The following ITK variants were observed in gnomAD, a reference collection of about 807,000 sequenced individuals.
The protein encoded by ITK is tyrosine-protein kinase ITK/TSK.
A neutral mutation model predicts 87.6 loss-of-function variants in ITK; 45 were observed. That is an observed-to-expected ratio of 0.51 (90% CI 0.40 to 0.66). ITK has a LOEUF of 0.66. Among genes scored for constraint, ITK ranks in the 30% least tolerant of loss-of-function variants. The pLI is 0.00. For synonymous variants in ITK, 303 were observed against 273.6 expected (o/e 1.11, Z -1.06); for missense variants, 605 against 766.3 (o/e 0.79, Z 2.48).
chr5:157,219,274 G>A (rs1269044808), intron 5 of ITK, among the ~76,000 whole-genome samples: 1 of 151,760 alleles, frequency 6.6e-6, no homozygotes, highest in Non-Finnish European at 1.5e-5. Context: ...CATCATGCCC[G>A]GCTAATTTTT....
At chr5:157,251,799 T>G (rs1471842213) in intron 16 of ITK, among the ~76,000 whole-genome samples, 1 of 152,222 alleles carries the variant, frequency 6.6e-6, no homozygotes, top group Non-Finnish European at 1.5e-5. Context: ...AAATGTTAGT[T>G]TACTATATTT....
intron 16 of ITK, among the ~76,000 whole-genome samples, chr5:157,250,862 C>T (rs925644411): frequency 6.6e-6 from 1 of 152,114 alleles, no homozygotes; most frequent in African/African-American, 2.4e-5. Context: ...GGCTTGATAG[C>T]TCATTTCTTT....
chr5:157,206,174 C>T (rs1269061124), intron 1 of ITK, among the ~76,000 whole-genome samples: 9 of 151,892 alleles, frequency 5.9e-5, no homozygotes, highest in Non-Finnish European at 4.4e-5. Flanking sequence ...AGGCTGGTCT[C>T]GAACCCCTGG....
At chr5:157,216,983 G>T (rs779699798) in intron 4 of ITK, among the ~76,000 whole-genome samples, 4 of 152,056 alleles carry the variant, frequency 2.6e-5, no homozygotes, top group Admixed American at 1.3e-4. Flanking sequence ...GGAACTCATC[G>T]TCTACCTATG....
intron 1 of ITK, among the ~76,000 whole-genome samples, chr5:157,187,371 G>A (rs1361194991): frequency 6.6e-6 from 1 of 152,160 alleles, no homozygotes; most frequent in Non-Finnish European, 1.5e-5. Flanking sequence ...CATCATTTGT[G>A]GAGGGAATAA....
rs1753815774 is a variant in ITK, at chr5:157,194,561, C to A, written c.138+13446C>A. On this transcript the variant is annotated intron_variant, in intron 1 of 16. Coordinates refer to ENST00000422843, the MANE Select transcript of ITK (RefSeq NM_005546.4). ...GAAAGGGAGTTTGAGGGAGCTAATACCAAACCTCACCCTTTTCCACAATCC... is the reference window on the plus strand; with the variant it reads ...GAAAGGGAGTTTGAGGGAGCTAATAACAAACCTCACCCTTTTCCACAATCC... Among the ~76,000 whole-genome samples, 3 of 152,222 alleles carry A rather than the reference C, an allele frequency of 2.0e-5. No homozygotes were observed. In the South Asian group the frequency reaches 6.2e-4, roughly 32 times the overall value.
At chr5:157,220,365 A>ACTCAACTCTTC (rs1347508894) in intron 5 of ITK, among the ~76,000 whole-genome samples, 1 of 152,104 alleles carries the variant, frequency 6.6e-6, no homozygotes, top group Non-Finnish European at 1.5e-5. Flanking sequence ...ATCCATGGGA[A>ACTCAACTCTTC]CTCAAGTCTT....
chr5:157,240,150 G>C lies in ITK; in HGVS notation c.940G>C (p.Asp314His), dbSNP rs138078237. 1.1e-4 allele frequency: 172 copies of C among 1,613,962 alleles called. No individual in the cohort carries two copies. Among genetic ancestry groups the C allele is most frequent in the Non-Finnish European group, 1.3e-4 (157 of 1,179,978 alleles). Residue 314 changes from aspartate to histidine, a missense_variant, in exon 10 of 17, where the codon GAT becomes CAT. By Grantham distance (81) the Asp-to-His change is moderately conservative. Transcript: ENST00000422843. ...CTATGTGGCTGAAAAGTATGTGTTCGATTCCATCCCTCTTCTCATCAACTA... is the reference window on the plus strand; with the variant it reads ...CTATGTGGCTGAAAAGTATGTGTTCCATTCCATCCCTCTTCTCATCAACTA... ...RYYVAEKYVF[D>H]SIPLLINYHQ... is the part of the protein sequence containing the mutation.
Position 157,244,621 on chromosome 5 carries a change from G to A in ITK, c.1449+143G>A, listed in dbSNP as rs1000958731. On this transcript the variant is annotated intron_variant, in intron 13 of 16. Coordinates refer to ENST00000422843, the MANE Select transcript of ITK (RefSeq NM_005546.4). ...CTTCTCCCTTCCTTCACCTACTTTGGGTGGTCCTAGTGGAAAGGGCTTCAT... is the reference window on the plus strand; with the variant it reads ...CTTCTCCCTTCCTTCACCTACTTTGAGTGGTCCTAGTGGAAAGGGCTTCAT... 4.3e-6 allele frequency: 3 copies of A among 701,458 alleles called. No homozygotes were observed. In the African/African-American group the frequency reaches 5.3e-5, roughly 12 times the overall value. 43.5% of individuals were successfully genotyped at this position (701,458 alleles called of 1,614,324 possible). A position where few individuals can be genotyped will look rare whatever the true frequency, so the allele number is the denominator to read the frequency against.
intron 4 of ITK, among the ~76,000 whole-genome samples, chr5:157,216,277 G>C (rs1017916216): frequency 6.6e-6 from 1 of 152,090 alleles, no homozygotes; most frequent in Non-Finnish European, 1.5e-5. Context: ...TGGCAGTGCG[G>C]GTCTATGAGC....
At chr5:157,245,398 TC>T in intron 13 of ITK, 1 of 442,240 alleles carries the variant, frequency 2.3e-6, no homozygotes, top group Non-Finnish European at 4.2e-6. Context: ...GGAGATGCTT[TC>T]TTCCTGTTAT....
intron 1 of ITK, among the ~76,000 whole-genome samples, chr5:157,183,856 T>C (rs1738956457): frequency 1.3e-5 from 2 of 152,214 alleles, no homozygotes; most frequent in Admixed American, 1.3e-4. Flanking sequence ...AAATAACCCT[T>C]CTACATACTC....
chr5:157,232,219 AT>A lies in ITK; in HGVS notation c.714-114del, dbSNP rs1754671438. ...GTTAAATAAATAAAATACACTTAAA[AT>A]TTTTTTAAAGCACTGGTAGAAATAG... On this transcript the variant is annotated intron_variant, in intron 7 of 16. Transcript: ENST00000422843. 34 of 723,526 alleles carry A rather than the reference AT, an allele frequency of 4.7e-5. 1 individual carries two copies. In the South Asian group the frequency reaches 5.4e-4, roughly 12 times the overall value. The allele number at this position is 723,526 out of a possible 1,614,324, so 44.8% of individuals were successfully genotyped here.
At chr5:157,226,633 A>G (rs978912607) in intron 6 of ITK, among the ~76,000 whole-genome samples, 4 of 152,140 alleles carry the variant, frequency 2.6e-5, no homozygotes, top group African/African-American at 9.7e-5. Flanking sequence ...ATCATCCTGT[A>G]TTTGGCACCT....
intron 1 of ITK, among the ~76,000 whole-genome samples, chr5:157,186,442 G>A (rs1179932623): frequency 2.6e-5 from 4 of 151,902 alleles, no homozygotes; most frequent in East Asian, 3.9e-4. Flanking sequence ...TGGGAGGCTG[G>A]GGCAGGTGGA....
intron 16 of ITK, among the ~76,000 whole-genome samples, chr5:157,250,356 T>A (rs1328613459): frequency 1.3e-5 from 2 of 152,232 alleles, no homozygotes; most frequent in African/African-American, 4.8e-5. Flanking sequence ...TTTAGTAATA[T>A]GCTTTAAGGT....
intron 4 of ITK, 77 bp from the exon 5 acceptor site, chr5:157,217,789 AC>A: frequency 3.1e-6 from 4 of 1,306,802 alleles, no homozygotes; most frequent in Non-Finnish European, 4.4e-6. Context: ...TCTCAGAAAA[AC>A]CCCCTGGCTG....
chr5:157,248,974 C>A lies in ITK; in HGVS notation c.1758C>A (p.His586Gln). The change falls in exon 16 of 17, where the codon CAC (histidine) becomes CAA (glutamine). Residue 586 changes from histidine (H) to glutamine (Q), a missense_variant. By Grantham distance (24) the His-to-Gln change is conservative. Transcript: ENST00000422843. ...RLYKPRLAST[H>Q]VYQIMNHCWK... Reference sequence around the variant, plus strand: ...ACAAGCCCCGGCTGGCCTCCACACACGTCTACCAGATTATGAATCACTGCT... The same window carrying A: ...ACAAGCCCCGGCTGGCCTCCACACAAGTCTACCAGATTATGAATCACTGCT... 6.2e-7 allele frequency: 1 copy of A among 1,613,862 alleles called. No individual in the cohort carries two copies. Among genetic ancestry groups the A allele is most frequent in the African/African-American group, 1.3e-5 (1 of 75,036 alleles).
intron 1 of ITK, among the ~76,000 whole-genome samples, chr5:157,191,337 G>A (rs152117): frequency 0.16 from 24,871 of 151,800 alleles, 2,680 homozygotes; most frequent in African/African-American, 0.31. Flanking sequence ...TATAACCTGC[G>A]TCAGGATCAA....
Sources: allele counts gnomAD v4.1 joint callset (sites outside exome capture counted in the v4.1 genomes callset), GRCh38; gene constraint gnomAD v4.1.1; transcripts MANE v1.5; gene names NCBI Gene and HGNC (gene_info 2026-07-23, HGNC 2026-07-21).